Variants in RPN1 observed in about 807,000 individuals in gnomAD.
The protein encoded by RPN1 is dolichyl-diphosphooligosaccharide--protein glycosyltransferase subunit 1.
A neutral mutation model predicts 55.5 loss-of-function variants in RPN1; 12 were observed. The ratio of observed to expected loss-of-function variants is 0.22; its 90% CI spans 0.14 to 0.35. The LOEUF is 0.35. RPN1 is among the 10% of genes least tolerant of loss of function. RPN1 has a pLI of 1.00. For synonymous variants in RPN1, 317 were observed against 305.9 expected, an observed-to-expected ratio of 1.04 and a Z score of -0.38; for missense variants, 679 against 761.3, an observed-to-expected ratio of 0.89 and a Z score of 1.27.
At chr3:128,648,972 ATACCT>A (rs1382711057) in intron 1 of RPN1, among the ~76,000 whole-genome samples, 5 of 152,230 alleles carry the variant, frequency 3.3e-5, no homozygotes, top group African/African-American at 1.2e-4. Flanking sequence ...ATGAGGATTT[ATACCT>A]TAAATGGTTG....
intron 5 of RPN1, among the ~76,000 whole-genome samples, chr3:128,627,704 G>A (rs1158800423): frequency 6.7e-6 from 1 of 149,398 alleles, no homozygotes; most frequent in African/African-American, 2.5e-5. Flanking sequence ...CCAGGAGGTG[G>A]AGGTTGCAGT....
chr3:128,627,018 G>A (rs919296002), intron 5 of RPN1, 186 bp from the exon 6 acceptor site: 9 of 583,228 alleles, frequency 1.5e-5, no homozygotes, highest in Admixed American at 2.9e-5. Flanking sequence ...CAGAGACAGG[G>A]ATGGGGGTCA....
chr3:128,621,083 C>T (rs892566749), intron 9 of RPN1, among the ~76,000 whole-genome samples: 1 of 152,198 alleles, frequency 6.6e-6, no homozygotes, highest in African/African-American at 2.4e-5. Flanking sequence ...CAACATTCAA[C>T]AAATGTTTAG....
chr3:128,638,604 C>G, intron 2 of RPN1, among the ~76,000 whole-genome samples: 1 of 152,068 alleles, frequency 6.6e-6, no homozygotes, highest in Admixed American at 6.6e-5. Flanking sequence ...CTCAGCCTCC[C>G]GAGTAGCTGG....
chr3:128,622,575 G>A (rs2069568164), intron 8 of RPN1, among the ~76,000 whole-genome samples, 166 bp from the exon 9 acceptor site: 2 of 152,166 alleles, frequency 1.3e-5, no homozygotes, highest in Admixed American at 6.5e-5. Flanking sequence ...ACCAGGTTCA[G>A]CAATGGGCAA....
chr3:128,638,939 C>G (rs934088279), intron 2 of RPN1, among the ~76,000 whole-genome samples: 1 of 151,694 alleles, frequency 6.6e-6, no homozygotes, highest in Admixed American at 6.6e-5. Context: ...ACACTCCAGC[C>G]TGGGTGACAG....
chr3:128,646,536 A>T (rs1234037558), intron 1 of RPN1, among the ~76,000 whole-genome samples: 1 of 151,936 alleles, frequency 6.6e-6, no homozygotes, highest in African/African-American at 2.4e-5. Flanking sequence ...AAAATACAAC[A>T]ATTAGCTGGG....
chr3:128,630,046 ATC>A lies in RPN1; in HGVS notation c.939_940del (p.Glu313AspfsTer27). 6.2e-7 allele frequency: 1 copy of A among 1,613,358 alleles called. No homozygotes were observed. The highest frequency in any genetic ancestry group is 8.5e-7 in the Non-Finnish European group (1 of 1,179,264). On this transcript the variant is annotated frameshift_variant, in exon 5 of 10. Coordinates refer to ENST00000296255, the MANE Select transcript of RPN1 (RefSeq NM_002950.4). LOFTEE classifies it high-confidence loss of function. ...GAGAGGGAAGCGAGGCCGGATTTCC[ATC>A]TCTACAGAGTCATCCAAAATAAGGA... is the stretch of plus-strand genomic sequence containing the variant.
chr3:128,645,642 C>G (rs546998417), intron 1 of RPN1, among the ~76,000 whole-genome samples: 81 of 151,568 alleles, frequency 5.3e-4, no homozygotes, highest in African/African-American at 1.8e-3. Flanking sequence ...TATGGTGAAA[C>G]CCCGTCTCTA....
chr3:128,649,149 T>C (rs2069793340), intron 1 of RPN1, among the ~76,000 whole-genome samples: 1 of 152,224 alleles, frequency 6.6e-6, no homozygotes, highest in Non-Finnish European at 1.5e-5. Flanking sequence ...ATTGTGGTAA[T>C]GGTTACACCA....
Position 128,632,168 on chromosome 3 carries a change from G to C in RPN1, c.634-11C>G. ...TACTTTAAAAGTATCCTGGAAGGAA[G>C]GAAACAAATAGTTCAAAGTTTTGGC... On this transcript the variant is annotated splice_polypyrimidine_tract_variant and intron_variant, in intron 3 of 9. Coordinates refer to ENST00000296255, the MANE Select transcript of RPN1 (RefSeq NM_002950.4). 1.9e-6 allele frequency: 3 copies of C among 1,613,648 alleles called. No homozygotes were observed. The highest frequency in any genetic ancestry group is 2.5e-6 in the Non-Finnish European group (3 of 1,179,616).
intron 3 of RPN1, 113 bp from the exon 4 acceptor site, chr3:128,632,270 T>C: frequency 1.1e-6 from 1 of 883,826 alleles, no homozygotes; most frequent in Admixed American, 2.3e-5. Context: ...GGGTAAATTA[T>C]GATGTATCTA....
chr3:128,649,888 T>C (rs1042128277), intron 1 of RPN1, among the ~76,000 whole-genome samples: 2 of 152,228 alleles, frequency 1.3e-5, no homozygotes, highest in Non-Finnish European at 2.9e-5. Flanking sequence ...TTTTAACATT[T>C]AGAAAGCGTT....
intron 3 of RPN1, among the ~76,000 whole-genome samples, chr3:128,636,161 T>C (rs2069680433): frequency 1.3e-5 from 2 of 152,158 alleles, no homozygotes; most frequent in South Asian, 2.1e-4. Flanking sequence ...CAAACTGACA[T>C]TTGAAACATA....
chr3:128,623,990 TACAC>T (rs377398264), intron 8 of RPN1, among the ~76,000 whole-genome samples: 3 of 150,714 alleles, frequency 2.0e-5, no homozygotes, highest in Non-Finnish European at 3.0e-5. Flanking sequence ...CAGAAATAAT[TACAC>T]ACACACACAC....
intron 3 of RPN1, among the ~76,000 whole-genome samples, chr3:128,632,572 G>A (rs2069649650): frequency 6.6e-6 from 1 of 151,974 alleles, no homozygotes; most frequent in African/African-American, 2.4e-5. Context: ...GGCAATACAA[G>A]GTCTGCTAAG....
In RPN1 at chr3:128,620,364, C is replaced by T. The variant is rs1393130860; in HGVS notation, c.*47G>A. 3 of 1,547,998 alleles carry T rather than the reference C, an allele frequency of 1.9e-6. No homozygotes were observed. The highest frequency in any genetic ancestry group is 2.7e-5 in the African/African-American group (2 of 73,412). ...CCACTACCACCCAATCTGCCTGCCA[C>T]AGCAAAGTGCAGGCACCCTGGGCCC... is the stretch of plus-strand genomic sequence containing the variant. On this transcript the variant is annotated 3_prime_UTR_variant, in exon 10 of 10. Transcript: ENST00000296255.
chr3:128,644,994 AAAAG>A lies in RPN1; in HGVS notation c.262-15_262-12del. The A allele has an allele frequency of 6.6e-7, 1 of 1,513,836 alleles. No homozygotes were observed. Among genetic ancestry groups the A allele is most frequent in the Non-Finnish European group, 9.2e-7 (1 of 1,089,294 alleles). The allele number at this position is 1,513,836 out of a possible 1,614,324, so 93.8% of individuals were successfully genotyped here. A position where few individuals can be genotyped will look rare whatever the true frequency, so the allele number is the denominator to read the frequency against. On this transcript the variant is annotated splice_polypyrimidine_tract_variant and intron_variant, in intron 1 of 9. Coordinates refer to ENST00000296255, the MANE Select transcript of RPN1 (RefSeq NM_002950.4). The stretch of plus-strand genomic sequence containing the variant: ...ATCTTCTCCCTTTACCTACAACAGA[AAAAG>A]ATAGTTTATTATTCATGTCTTTTGG...
intron 9 of RPN1, among the ~76,000 whole-genome samples, 154 bp downstream of exon 9, chr3:128,622,010 C>A (rs1240144340): frequency 6.6e-6 from 1 of 152,232 alleles, no homozygotes; most frequent in Admixed American, 6.5e-5. Context: ...TTTTCCTCCA[C>A]AAGGACTGGC....
Sources: gnomAD v4.1 joint callset for allele counts (sites outside exome capture counted in the v4.1 genomes callset) on GRCh38, gnomAD v4.1.1 for gene constraint, MANE v1.5 for transcripts, NCBI Gene and HGNC (gene_info 2026-07-23, HGNC 2026-07-21) for gene names.